The following WDR76 variants were observed in gnomAD, a reference collection of about 807,000 sequenced individuals.
WDR76 encodes the protein WD repeat-containing protein 76.
WDR76 carries 52 observed loss-of-function variants against 70.2 expected under a neutral mutation model. The observed-to-expected ratio is 0.74, with a 90% CI of 0.59 to 0.93. The LOEUF is 0.93. WDR76 is among the 40% of genes least tolerant of loss of function. WDR76 has a pLI of 0.00. For missense variants in WDR76, 756 were observed against 760.2 expected, an observed-to-expected ratio of 0.99 and a Z score of 0.07; for synonymous variants, 292 against 271.1, an observed-to-expected ratio of 1.08 and a Z score of -0.76.
chr15:43,837,722 T>C (rs2087674659), intron 4 of WDR76, among the ~76,000 whole-genome samples: 1 of 152,122 alleles, frequency 6.6e-6, no homozygotes, highest in African/African-American at 2.4e-5. Flanking sequence ...ATAATGTATT[T>C]GTGTAGTTGA....
At chr15:43,829,748 C>T (rs1248418856) in intron 2 of WDR76, among the ~76,000 whole-genome samples, 2 of 151,816 alleles carry the variant, frequency 1.3e-5, no homozygotes, top group African/African-American at 4.8e-5. Flanking sequence ...CCTCATGATC[C>T]GCCCGCCTCG....
At chr15:43,860,613 C>T (rs1431511653) in intron 11 of WDR76, among the ~76,000 whole-genome samples, 1 of 151,906 alleles carries the variant, frequency 6.6e-6, no homozygotes, top group Non-Finnish European at 1.5e-5. Context: ...AGCAATCTTA[C>T]GGCCTCAGCT....
At chr15:43,857,369 A>T in intron 10 of WDR76, 1 of 784,496 alleles carries the variant, frequency 1.3e-6, no homozygotes, top group Non-Finnish European at 1.5e-6. Context: ...TTTGATAAAT[A>T]GTGAAAAAGC....
Position 43,837,054 on chromosome 15 carries a change from A to C in WDR76, c.608+838A>C, listed in dbSNP as rs532920904. ...AGACTCCATCTCACAAAAAAAAAAAAAACAAAAAAAAACAACTATTTGCTG... is the reference window on the plus strand; with the variant it reads ...AGACTCCATCTCACAAAAAAAAAAACAACAAAAAAAAACAACTATTTGCTG... On this transcript the variant is annotated intron_variant, in intron 4 of 12. Coordinates refer to ENST00000263795, the MANE Select transcript of WDR76 (RefSeq NM_024908.4). Among the ~76,000 whole-genome samples the C allele has an allele frequency of 5.4e-5, 8 of 148,976 alleles. No homozygotes were observed. The South Asian group carries it at 1.0e-3, about 19-fold the overall frequency.
intron 12 of WDR76, 73 bp downstream of exon 12, chr15:43,861,459 A>G: frequency 3.0e-6 from 4 of 1,344,926 alleles, no homozygotes; most frequent in South Asian, 1.2e-5. Flanking sequence ...TACATTAGAC[A>G]TCTGATTGTC....
chr15:43,854,672 G>A (rs1595450827), intron 9 of WDR76, among the ~76,000 whole-genome samples: 1 of 152,050 alleles, frequency 6.6e-6, no homozygotes, highest in Non-Finnish European at 1.5e-5. Flanking sequence ...TATAGAGCTG[G>A]GCGCAGTGGC....
At chr15:43,854,604 A>G (rs1205614914) in intron 9 of WDR76, among the ~76,000 whole-genome samples, 4 of 152,172 alleles carry the variant, frequency 2.6e-5, no homozygotes, top group Non-Finnish European at 4.4e-5. Flanking sequence ...CACTTTAGGT[A>G]TATAATTCTC....
intron 2 of WDR76, among the ~76,000 whole-genome samples, chr15:43,831,415 A>G: frequency 6.6e-6 from 1 of 151,682 alleles, no homozygotes; most frequent in East Asian, 1.9e-4. Flanking sequence ...CTGGGATTAC[A>G]GATGTGAGCC....
chr15:43,861,251 G>T (rs1567193262), intron 11 of WDR76, 82 bp from the exon 12 acceptor site: 2 of 1,170,462 alleles, frequency 1.7e-6, no homozygotes, highest in Non-Finnish European at 1.3e-6. Flanking sequence ...ATGAATTAAT[G>T]AGAAGCTTGT....
chr15:43,866,213 A>G lies in WDR76; in HGVS notation c.1702A>G (p.Met568Val), dbSNP rs1438984474. 2.5e-6 allele frequency: 4 copies of G among 1,614,126 alleles called. No homozygotes were observed. Among genetic ancestry groups the G allele is most frequent in the Non-Finnish European group, 3.4e-6 (4 of 1,180,048 alleles). The change falls in exon 13 of 13, where the codon ATG becomes GTG. Residue 568 changes from methionine to valine, a missense_variant. Physicochemically the swap from Met to Val is conservative, Grantham distance 21 (BLOSUM62 1). Transcript: ENST00000263795. ...AGAAGACTGTGTCATAGTTGGCAGC[A>G]TGGCCCATCCACGACGGGTAGAAAT... ...KQEDCVIVGSMAHPRRVEIFH... is the reference protein window; with the variant it reads ...KQEDCVIVGSVAHPRRVEIFH...
In WDR76 at chr15:43,835,917, A is replaced by C. The variant is rs560216702; in HGVS notation, c.553-244A>C. Among the ~76,000 whole-genome samples the C allele has an allele frequency of 6.0e-5, 9 of 151,190 alleles. No individual in the cohort carries two copies. In the South Asian group the frequency reaches 1.0e-3, roughly 18 times the overall value. On this transcript the variant is annotated intron_variant, in intron 3 of 12. Transcript: ENST00000263795. ...GGTGATCTACTTGCCTTGACCTCCC[A>C]AAGTGCTGGGATTACAGTTGTGATC... is the stretch of plus-strand genomic sequence containing the variant.
chr15:43,864,974 G>A (rs1048988780), intron 12 of WDR76, among the ~76,000 whole-genome samples: 1 of 152,164 alleles, frequency 6.6e-6, no homozygotes, highest in Non-Finnish European at 1.5e-5. Context: ...ACGGGGGCTG[G>A]AGTGCAGTGG....
At chr15:43,845,291 T>C (rs1226249780) in intron 8 of WDR76, among the ~76,000 whole-genome samples, 1 of 150,258 alleles carries the variant, frequency 6.7e-6, no homozygotes, top group Non-Finnish European at 1.5e-5. Flanking sequence ...TGGTCTGCTA[T>C]GGTCTGAATG....
Position 43,845,845 on chromosome 15 carries a change from C to T in WDR76, c.1032+1791C>T, listed in dbSNP as rs553758289. On this transcript the variant is annotated intron_variant, in intron 8 of 12. Transcript: ENST00000263795. The stretch of plus-strand genomic sequence containing the variant: ...AGAAGACCAAAGACATGAAAAATGC[C>T]ATAAGGACAATTAATGAAGGTGAAG... Among the ~76,000 whole-genome samples the T allele has an allele frequency of 3.5e-4, 53 of 150,180 alleles. 1 individual carries two copies. In the South Asian group the frequency reaches 0.01, roughly 29 times the overall value.
intron 9 of WDR76, among the ~76,000 whole-genome samples, chr15:43,854,822 C>T (rs1472445801): frequency 6.6e-6 from 1 of 152,026 alleles, no homozygotes; most frequent in Non-Finnish European, 1.5e-5. Flanking sequence ...TGGTGGCTCA[C>T]GCCTGTAGTC....
rs558836741 is a variant in WDR76, at chr15:43,860,709, A to G, written c.1563-624A>G. Among the ~76,000 whole-genome samples the G allele has an allele frequency of 1.2e-3, 175 of 151,528 alleles. 1 individual carries two copies. Among genetic ancestry groups the G allele is most frequent in the African/African-American group, 4.0e-3 (166 of 41,262 alleles). The stretch of plus-strand genomic sequence containing the variant: ...TTTTTTGTAGTGATAGGGTCTCACT[A>G]TATTGCCCAGGCTGGTCTCAAACTC... On this transcript the variant is annotated intron_variant, in intron 11 of 12. Coordinates refer to ENST00000263795, the MANE Select transcript of WDR76 (RefSeq NM_024908.4).
At chr15:43,839,213 T>G (rs1331826834) in intron 4 of WDR76, among the ~76,000 whole-genome samples, 1 of 152,322 alleles carries the variant, frequency 6.6e-6, no homozygotes, top group South Asian at 2.1e-4. Context: ...AGTAGTAGTT[T>G]TATGTGTATT....
At chr15:43,827,932 T>G (rs2087537081) in intron 1 of WDR76, 33 bp from the exon 2 acceptor site, 1 of 1,553,632 alleles carries the variant, frequency 6.4e-7, no homozygotes, top group South Asian at 1.2e-5. Context: ...CTTGGAGTTC[T>G]AATATTCTGT....
intron 2 of WDR76, among the ~76,000 whole-genome samples, chr15:43,828,708 C>T (rs144427956): frequency 4.6e-5 from 7 of 152,148 alleles, no homozygotes; most frequent in African/African-American, 1.7e-4. Flanking sequence ...TATCAGAAGT[C>T]ATCAGTTTGT....
Sources: allele counts gnomAD v4.1 joint callset (sites outside exome capture counted in the v4.1 genomes callset), GRCh38; gene constraint gnomAD v4.1.1; transcripts MANE v1.5; gene names NCBI Gene and HGNC (gene_info 2026-07-23, HGNC 2026-07-21).